Variants in PTPRN2 observed in about 807,000 individuals in gnomAD.
The protein encoded by PTPRN2 is receptor-type tyrosine-protein phosphatase N2.
PTPRN2 carries 74 observed loss-of-function variants against 118.8 expected under a neutral mutation model. That is an observed-to-expected ratio of 0.62 (90% CI 0.52 to 0.76). The LOEUF is 0.76. Ranked by LOEUF, PTPRN2 falls within the 30% of genes least tolerant of loss-of-function variation. The pLI, the probability that PTPRN2 is intolerant of heterozygous loss-of-function variation, is 0.00. For missense variants in PTPRN2, 1,481 were observed against 1,394.4 expected (o/e 1.06, Z -0.99); for synonymous variants, 641 against 608.0 (o/e 1.05, Z -0.80).
chr7:158,110,978 G>A (rs1013604529), intron 9 of PTPRN2, 63 bp from the exon 10 acceptor site: 1 of 1,396,940 alleles, frequency 7.2e-7, no homozygotes, highest in Non-Finnish European at 9.7e-7. Flanking sequence ...GAGAACTAAA[G>A]CCCTGTGGCC....
At chr7:158,327,587 C>G (rs1803754393) in intron 2 of PTPRN2, among the ~76,000 whole-genome samples, 2 of 152,212 alleles carry the variant, frequency 1.3e-5, no homozygotes, top group African/African-American at 4.8e-5. Context: ...TTCTCATGTA[C>G]ACACTCACTA....
At chr7:158,414,765 G>T (rs1224136585) in intron 2 of PTPRN2, among the ~76,000 whole-genome samples, 1 of 152,252 alleles carries the variant, frequency 6.6e-6, no homozygotes, top group Non-Finnish European at 1.5e-5. Context: ...TGTGTTGAAA[G>T]TGGGGGAGGG....
intron 11 of PTPRN2, among the ~76,000 whole-genome samples, chr7:158,063,489 C>A (rs1254946636): frequency 6.6e-6 from 1 of 152,196 alleles, no homozygotes; most frequent in East Asian, 1.9e-4. Flanking sequence ...GGGAAAAAAG[C>A]AGGCTGCCCG....
At chr7:157,830,851 G>A (rs1236403825) in intron 12 of PTPRN2, among the ~76,000 whole-genome samples, 3 of 152,238 alleles carry the variant, frequency 2.0e-5, no homozygotes, top group African/African-American at 4.8e-5. Flanking sequence ...TTGGGACAAC[G>A]GGAAAACTGG....
chr7:158,407,213 G>A, intron 2 of PTPRN2, among the ~76,000 whole-genome samples: 3 of 31,464 alleles, frequency 9.5e-5, no homozygotes, highest in Non-Finnish European at 2.2e-4. Context: ...CCTGGGTCCT[G>A]CGTCCTGCGT....
chr7:157,934,506 T>G (rs1451197589), intron 11 of PTPRN2, among the ~76,000 whole-genome samples: 1 of 152,250 alleles, frequency 6.6e-6, no homozygotes, highest in Non-Finnish European at 1.5e-5. Flanking sequence ...TTTGCACATT[T>G]GACTGGAAGC....
chr7:158,006,042 T>C (rs917828221), intron 11 of PTPRN2, among the ~76,000 whole-genome samples: 2 of 152,160 alleles, frequency 1.3e-5, no homozygotes, highest in African/African-American at 4.8e-5. Flanking sequence ...ACTGCCCAAA[T>C]AAACATGTTC....
chr7:157,676,985 G>A lies in PTPRN2; in HGVS notation c.2001+5740C>T, dbSNP rs1436859041. ...CCGCTCCACAGACACCACGCACACC[G>A]CCCCTCCCCTGGTGCTGTGTGAGCA... On this transcript the variant is annotated intron_variant, in intron 13 of 22. Coordinates refer to ENST00000389418, the MANE Select transcript of PTPRN2 (RefSeq NM_002847.5). This position sits in a 1 kb window ranked among gnomAD's most constrained non-coding sequence, Gnocchi z 5.6. Among the ~76,000 whole-genome samples, 3 of 152,086 alleles carry A rather than the reference G, an allele frequency of 2.0e-5. No individual in the cohort carries two copies. Among genetic ancestry groups the A allele is most frequent in the African/African-American group, 4.8e-5 (2 of 41,414 alleles).
chr7:158,151,037 C>A (rs1585644475), intron 6 of PTPRN2, among the ~76,000 whole-genome samples: 2 of 147,510 alleles, frequency 1.4e-5, no homozygotes, highest in South Asian at 2.1e-4. Context: ...CTGTCACTGT[C>A]CTGCCCCTGC....
At chr7:158,541,415 C>T (rs927999248) in intron 1 of PTPRN2, 5 of 1,316,064 alleles carry the variant, frequency 3.8e-6, no homozygotes, top group Non-Finnish European at 5.0e-6. Flanking sequence ...AGCATTATTC[C>T]ACCCGGTTAC....
intron 1 of PTPRN2, among the ~76,000 whole-genome samples, chr7:158,502,673 C>T (rs1245665905): frequency 1.3e-5 from 2 of 152,274 alleles, no homozygotes; most frequent in East Asian, 3.8e-4. Context: ...CACCACACAC[C>T]ACGCTGTTGA....
At chr7:158,370,313 G>A (rs902681365) in intron 2 of PTPRN2, among the ~76,000 whole-genome samples, 4 of 152,162 alleles carry the variant, frequency 2.6e-5, no homozygotes, top group Non-Finnish European at 5.9e-5. Flanking sequence ...TGACACACCT[G>A]TAGTCCCAGT....
intron 5 of PTPRN2, among the ~76,000 whole-genome samples, chr7:158,169,859 T>C (rs1448752287): frequency 1.3e-5 from 2 of 149,644 alleles, no homozygotes; most frequent in African/African-American, 4.9e-5. Flanking sequence ...GCCCTGCTAA[T>C]TTTTGTGTTT....
intron 5 of PTPRN2, among the ~76,000 whole-genome samples, chr7:158,185,020 T>C (rs1454155478): frequency 1.3e-5 from 2 of 152,214 alleles, no homozygotes; most frequent in African/African-American, 4.8e-5. Flanking sequence ...ACATGGTCTA[T>C]GTAACTATGG....
At chr7:158,140,759 C>T (rs1426085199) in intron 6 of PTPRN2, among the ~76,000 whole-genome samples, 6 of 152,306 alleles carry the variant, frequency 3.9e-5, no homozygotes, top group African/African-American at 7.2e-5. Context: ...ATGCGTCCAA[C>T]GCGTCATCGT....
intron 11 of PTPRN2, among the ~76,000 whole-genome samples, chr7:157,961,286 C>T (rs181067246): frequency 2.2e-3 from 331 of 152,154 alleles, no homozygotes; most frequent in African/African-American, 7.7e-3. Flanking sequence ...AATCCCAGCA[C>T]GTCGGGAGGC....
intron 2 of PTPRN2, among the ~76,000 whole-genome samples, chr7:158,334,570 G>A (rs879556891): frequency 0.015 from 1,003 of 65,092 alleles, 1 homozygote; most frequent in Middle Eastern, 0.029. Context: ...AAGAGCTCTC[G>A]CCCACAGAGG....
chr7:158,009,403 A>G (rs547517074), intron 11 of PTPRN2, among the ~76,000 whole-genome samples: 1 of 152,258 alleles, frequency 6.6e-6, no homozygotes, highest in Admixed American at 6.5e-5. Context: ...TCCATGGGAA[A>G]GATAGTGTCT....
intron 12 of PTPRN2, among the ~76,000 whole-genome samples, chr7:157,704,334 C>G (rs1798222490): frequency 6.6e-6 from 1 of 152,162 alleles, no homozygotes; most frequent in African/African-American, 2.4e-5. Flanking sequence ...CTTTTTATTA[C>G]CATCTTGACT....
Sources: gnomAD v4.1 joint callset for allele counts (sites outside exome capture counted in the v4.1 genomes callset) on GRCh38, gnomAD v4.1.1 for gene constraint, Gnocchi (gnomAD v3.1) non-coding constraint, MANE v1.5 for transcripts, NCBI Gene and HGNC (gene_info 2026-07-23, HGNC 2026-07-21) for gene names.